Variants in NEK6 observed in about 807,000 individuals in gnomAD.
NEK6 encodes NIMA related kinase 6.
In NEK6, 27 loss-of-function variants were observed where a neutral mutation model predicts 43.5. The observed-to-expected ratio is 0.62, with a 90% CI of 0.46 to 0.86. NEK6 has a LOEUF of 0.86. Ranked by LOEUF, NEK6 falls within the 40% of genes least tolerant of loss-of-function variation. NEK6 has a pLI of 0.00. For missense variants in NEK6, 318 were observed against 414.4 expected (o/e 0.77, Z 2.02); for synonymous variants, 167 against 164.1 (o/e 1.02, Z -0.14).
chr9:124,303,431 TAAG>T (rs749807494), intron 2 of NEK6, among the ~76,000 whole-genome samples: 18 of 152,238 alleles, frequency 1.2e-4, no homozygotes, highest in Non-Finnish European at 2.1e-4. Context: ...GCTTCTGGGC[TAAG>T]GAGGCAGGTA....
rs1370495784 is a variant in NEK6 at position 124,265,009 on chromosome 9, A to G, written c.-30+6924A>G. Among the ~76,000 whole-genome samples, 11 of 152,240 alleles carry G rather than the reference A, an allele frequency of 7.2e-5. No individual in the cohort carries two copies. The East Asian group carries it at 2.1e-3, about 29-fold the overall frequency. ...TTTTAAGATACATGAAGTAGCCAGA[A>G]TAGATAAATCCACATAGACCTAAAG... On this transcript the variant is annotated intron_variant, in intron 1 of 9. Coordinates refer to ENST00000320246, the MANE Select transcript of NEK6 (RefSeq NM_014397.6).
chr9:124,283,683 C>T (rs958619404), intron 1 of NEK6, among the ~76,000 whole-genome samples: 7 of 152,208 alleles, frequency 4.6e-5, no homozygotes, highest in Non-Finnish European at 8.8e-5. Flanking sequence ...GCTGTCATTT[C>T]GGCCTCTATC....
At position 124,326,202 on chromosome 9, in the gene NEK6, T is replaced by TCCCCCCCCCCCCCCCCCCCCCCCCCCC; in HGVS notation, c.406-117_406-116insCCCCCCCCCCCCCCCCCCCCCCCCCCC. 1.6e-5 allele frequency: 2 copies of TCCCCCCCCCCCCCCCCCCCCCCCCCCC among 124,052 alleles called. No homozygotes were observed. Among genetic ancestry groups the TCCCCCCCCCCCCCCCCCCCCCCCCCCC allele is most frequent in the Non-Finnish European group, 4.0e-5 (2 of 50,618 alleles). The allele number at this position is 124,052 out of a possible 1,614,324, so 7.7% of individuals were successfully genotyped here. ...GCTTATTGTTTGCTCAGTGGCTCAA[T>TCCCCCCCCCCCCCCCCCCCCCCCCCCC]CCCCCCCCCCCGCCCCTGCCAGGCA... On this transcript the variant is annotated intron_variant, in intron 5 of 9. Coordinates refer to ENST00000320246, the MANE Select transcript of NEK6 (RefSeq NM_014397.6). The surrounding 1 kb of genome is among the most constrained non-coding windows in gnomAD (Gnocchi z 4.5).
chr9:124,267,523 G>T (rs1267287035), intron 1 of NEK6, among the ~76,000 whole-genome samples: 1 of 152,258 alleles, frequency 6.6e-6, no homozygotes, highest in Non-Finnish European at 1.5e-5. Flanking sequence ...AGGAAATGAG[G>T]ACTGGGTTTT....
chr9:124,272,670 C>A (rs1299285110), intron 1 of NEK6, among the ~76,000 whole-genome samples: 1 of 152,256 alleles, frequency 6.6e-6, no homozygotes, highest in Non-Finnish European at 1.5e-5. Context: ...CTGAGACTCA[C>A]AACCGCTCCC....
chr9:124,340,324 G>C (rs1829533409), intron 8 of NEK6, among the ~76,000 whole-genome samples: 1 of 152,204 alleles, frequency 6.6e-6, no homozygotes, highest in Admixed American at 6.5e-5. Context: ...GGTGATGAGA[G>C]GTGTGGGGAG....
At chr9:124,316,157 T>C (rs1833808803) in intron 4 of NEK6, among the ~76,000 whole-genome samples, 1 of 152,122 alleles carries the variant, frequency 6.6e-6, no homozygotes. Flanking sequence ...GGAAACGTGG[T>C]TTTCGGAGGG....
intron 7 of NEK6, among the ~76,000 whole-genome samples, chr9:124,331,782 C>T (rs1020150626): frequency 5.3e-5 from 8 of 152,218 alleles, no homozygotes; most frequent in Admixed American, 2.6e-4. Flanking sequence ...GGATGGACGA[C>T]CTTCATGGCC....
chr9:124,277,568 C>G (rs555418117), intron 1 of NEK6, among the ~76,000 whole-genome samples: 253 of 152,298 alleles, frequency 1.7e-3, no homozygotes, highest in Non-Finnish European at 2.1e-3. Flanking sequence ...TCTCGGCTTT[C>G]CTGTGAAAAA....
At chr9:124,269,852 A>G (rs1187415919) in intron 1 of NEK6, among the ~76,000 whole-genome samples, 1 of 152,060 alleles carries the variant, frequency 6.6e-6, no homozygotes, top group Admixed American at 6.5e-5. Flanking sequence ...TGTCCCCCAT[A>G]TAAGTGTCCT....
chr9:124,293,155 A>G (rs775456386), intron 1 of NEK6: 3 of 1,142,412 alleles, frequency 2.6e-6, no homozygotes, highest in Non-Finnish European at 3.4e-6. Context: ...AAATGATTAA[A>G]ATGCAGACTT....
chr9:124,307,193 T>C (rs1377639662), intron 2 of NEK6, among the ~76,000 whole-genome samples: 2 of 152,008 alleles, frequency 1.3e-5, no homozygotes, highest in East Asian at 3.9e-4. Flanking sequence ...AAACTCAAAT[T>C]AGCGCAGGGT....
chr9:124,273,996 A>T (rs548033771), intron 1 of NEK6, among the ~76,000 whole-genome samples: 18 of 152,096 alleles, frequency 1.2e-4, no homozygotes, highest in Non-Finnish European at 2.4e-4. Context: ...GGTACCATTC[A>T]TCTTGCTTCC....
At chr9:124,336,662 C>G (rs189609005) in intron 7 of NEK6, among the ~76,000 whole-genome samples, 40 of 152,294 alleles carry the variant, frequency 2.6e-4, no homozygotes, top group African/African-American at 9.1e-4. Context: ...GCCTCTGTCA[C>G]ATGACATGGT....
chr9:124,321,605 C>T lies in NEK6; in HGVS notation c.405+36C>T, dbSNP rs552456646. 390 of 1,330,126 alleles carry T rather than the reference C, an allele frequency of 2.9e-4. 5 individuals carry two copies. The South Asian group carries it at 4.2e-3, about 14-fold the overall frequency. The allele number at this position is 1,330,126 out of a possible 1,614,324, so 82.4% of individuals were successfully genotyped here. ...GGCGGGGTGGGGGTGCTGGGGGCTGCGCAGATCTGGAGCCAAAGGTGGCAG... is the reference window on the plus strand; with the variant it reads ...GGCGGGGTGGGGGTGCTGGGGGCTGTGCAGATCTGGAGCCAAAGGTGGCAG... On this transcript the variant is annotated intron_variant, in intron 5 of 9. Transcript: ENST00000320246.
At chr9:124,274,957 G>T (rs940341538) in intron 1 of NEK6, among the ~76,000 whole-genome samples, 1 of 152,194 alleles carries the variant, frequency 6.6e-6, no homozygotes, top group African/African-American at 2.4e-5. Context: ...GCACAGGAAT[G>T]AAAAGATGGA....
intron 7 of NEK6, among the ~76,000 whole-genome samples, chr9:124,331,806 G>A (rs997738598): frequency 5.3e-5 from 8 of 152,236 alleles, no homozygotes; most frequent in African/African-American, 1.9e-4. Context: ...CATCCCTGGG[G>A]ACACCTGTCC....
intron 5 of NEK6, among the ~76,000 whole-genome samples, chr9:124,321,863 G>T (rs1196295656): frequency 1.3e-5 from 2 of 152,244 alleles, no homozygotes; most frequent in Non-Finnish European, 2.9e-5. Flanking sequence ...TGCCAAGACA[G>T]GATGGTGGCT....
intron 8 of NEK6, 63 bp from the exon 9 acceptor site, chr9:124,347,646 C>T (rs1830009759): frequency 9.4e-7 from 1 of 1,068,048 alleles, no homozygotes; most frequent in Non-Finnish European, 1.4e-6. Context: ...GCAGCCTCCT[C>T]CTCTCTAGTC....
Sources: gnomAD v4.1 joint callset for allele counts (sites outside exome capture counted in the v4.1 genomes callset) on GRCh38, gnomAD v4.1.1 for gene constraint, Gnocchi (gnomAD v3.1) non-coding constraint, MANE v1.5 for transcripts, NCBI Gene and HGNC (gene_info 2026-07-23, HGNC 2026-07-21) for gene names.